Variants in SFXN5 observed in about 807,000 individuals in gnomAD.
SFXN5 encodes sideroflexin 5.
A neutral mutation model predicts 50.2 loss-of-function variants in SFXN5; 43 were observed. The ratio of observed to expected loss-of-function variants is 0.86; its 90% CI spans 0.67 to 1.11. SFXN5 has a LOEUF of 1.11. Ranked by LOEUF, SFXN5 falls within the 50% of genes least tolerant of loss-of-function variation. SFXN5 has a pLI of 0.00. For synonymous variants in SFXN5, 203 were observed against 185.8 expected (o/e 1.09, Z -0.75); for missense variants, 463 against 454.1 (o/e 1.02, Z -0.18).
intron 6 of SFXN5, among the ~76,000 whole-genome samples, chr2:73,012,687 C>G (rs1045222540): frequency 1.3e-5 from 2 of 150,340 alleles, no homozygotes; most frequent in Admixed American, 1.3e-4. Context: ...CACACACACA[C>G]ACACACACAC....
At chr2:73,044,856 C>T (rs1680115191) in intron 2 of SFXN5, among the ~76,000 whole-genome samples, 1 of 152,230 alleles carries the variant, frequency 6.6e-6, no homozygotes, top group Non-Finnish European at 1.5e-5. Flanking sequence ...CCCAGGAGGT[C>T]TGCTCCAGCA....
chr2:72,979,152 GATGGCTT>G (rs1244940698), intron 10 of SFXN5, among the ~76,000 whole-genome samples: 1 of 152,144 alleles, frequency 6.6e-6, no homozygotes, highest in Non-Finnish European at 1.5e-5. Flanking sequence ...CAATACAATT[GATGGCTT>G]ATGGTACATG....
chr2:72,975,971 A>G (rs1299501979), intron 10 of SFXN5, among the ~76,000 whole-genome samples: 1 of 152,268 alleles, frequency 6.6e-6, no homozygotes, highest in Admixed American at 6.5e-5. Flanking sequence ...GCAAATAATT[A>G]GAAACAACCT....
intron 3 of SFXN5, among the ~76,000 whole-genome samples, chr2:73,027,346 G>C (rs550554685): frequency 7.9e-5 from 12 of 152,284 alleles, no homozygotes; most frequent in African/African-American, 2.9e-4. Context: ...TTATAGACAA[G>C]AATTTTTTTG....
At chr2:73,038,580 A>G (rs950445827) in intron 3 of SFXN5, among the ~76,000 whole-genome samples, 116 of 152,218 alleles carry the variant, frequency 7.6e-4, no homozygotes, top group Non-Finnish European at 1.1e-3. Context: ...AGTGAGCTAC[A>G]TCGCCCCACT....
In SFXN5 at chr2:72,944,062, G is replaced by A. The variant is rs1034733985; in HGVS notation, c.*960C>T. 2 of 152,308 alleles carry A rather than the reference G, an allele frequency of 1.3e-5. No homozygotes were observed. Among genetic ancestry groups the A allele is most frequent in the African/African-American group, 4.8e-5 (2 of 41,462 alleles). 9.4% of individuals were successfully genotyped at this position (152,308 alleles called of 1,614,324 possible). A position where few individuals can be genotyped will look rare whatever the true frequency, so the allele number is the denominator to read the frequency against. On this transcript the variant is annotated 3_prime_UTR_variant, in exon 14 of 14. Coordinates refer to ENST00000272433, the MANE Select transcript of SFXN5 (RefSeq NM_144579.3). The stretch of plus-strand genomic sequence containing the variant: ...GACCTTCCTGCTTAGAAAGGGATGG[G>A]ATGGGGCAGGCAGCCTTGGTGGCTG...
At chr2:72,958,421 C>T (rs1673343140) in intron 13 of SFXN5, among the ~76,000 whole-genome samples, 2 of 152,196 alleles carry the variant, frequency 1.3e-5, no homozygotes, top group Admixed American at 1.3e-4. Flanking sequence ...GCCACCATTT[C>T]CCCAGCAAAG....
chr2:73,015,193 A>T (rs560299747), intron 6 of SFXN5, among the ~76,000 whole-genome samples: 2 of 152,284 alleles, frequency 1.3e-5, no homozygotes, highest in Non-Finnish European at 2.9e-5. Flanking sequence ...TTATTTTATC[A>T]AATACTTTTT....
chr2:73,029,630 A>G (rs1387346333), intron 3 of SFXN5, among the ~76,000 whole-genome samples: 1 of 152,204 alleles, frequency 6.6e-6, no homozygotes, highest in African/African-American at 2.4e-5. Context: ...TCTCCCCGGC[A>G]CTGGAGCATG....
chr2:73,032,661 A>T (rs1222410950), intron 3 of SFXN5, among the ~76,000 whole-genome samples: 1 of 151,912 alleles, frequency 6.6e-6, no homozygotes, highest in Non-Finnish European at 1.5e-5. Flanking sequence ...CCCCACCCCC[A>T]ATCTGGCTCG....
At chr2:73,007,106 C>G (rs1165788183) in intron 6 of SFXN5, among the ~76,000 whole-genome samples, 1 of 152,150 alleles carries the variant, frequency 6.6e-6, no homozygotes, top group Non-Finnish European at 1.5e-5. Context: ...AGAAGTGGAA[C>G]ATGAACAGCT....
intron 2 of SFXN5, among the ~76,000 whole-genome samples, chr2:73,056,729 T>C (rs1004255234): frequency 6.7e-6 from 1 of 150,078 alleles, no homozygotes; most frequent in African/African-American, 2.4e-5. Flanking sequence ...TGTCAAGACA[T>C]ACTTCTTAGA....
intron 2 of SFXN5, among the ~76,000 whole-genome samples, chr2:73,047,669 C>T (rs563661789): frequency 6.6e-6 from 1 of 152,246 alleles, no homozygotes; most frequent in Admixed American, 6.5e-5. Context: ...TGTGACTTTG[C>T]TCCTCATTCA....
intron 2 of SFXN5, chr2:73,042,730 T>C (rs1679814322): frequency 6.6e-6 from 1 of 151,986 alleles, no homozygotes; most frequent in African/African-American, 2.4e-5. Flanking sequence ...AGGTTGAGGC[T>C]ACAGTGAGCC....
intron 13 of SFXN5, among the ~76,000 whole-genome samples, chr2:72,959,561 G>A (rs1353674340): frequency 6.6e-6 from 1 of 151,986 alleles, no homozygotes; most frequent in Non-Finnish European, 1.5e-5. Flanking sequence ...AAGAACACAG[G>A]AGCCATTGGA....
At chr2:73,065,646 C>A (rs551243156) in intron 1 of SFXN5, among the ~76,000 whole-genome samples, 51 of 152,378 alleles carry the variant, frequency 3.3e-4, no homozygotes, top group African/African-American at 1.2e-3. Flanking sequence ...ATCTGCCCGC[C>A]TTGGCCTCCC....
intron 4 of SFXN5, 105 bp downstream of exon 4, chr2:73,023,083 C>T (rs1388014656): frequency 1.8e-6 from 2 of 1,134,392 alleles, no homozygotes; most frequent in Non-Finnish European, 2.5e-6. Flanking sequence ...AATGTGAGAG[C>T]CCGAAGAGCC....
At chr2:72,956,754 C>A (rs566999513) in intron 13 of SFXN5, among the ~76,000 whole-genome samples, 39 of 152,290 alleles carry the variant, frequency 2.6e-4, no homozygotes, top group African/African-American at 8.9e-4. Context: ...TCCATAGAGG[C>A]CATGCCTTCC....
intron 13 of SFXN5, among the ~76,000 whole-genome samples, chr2:72,947,534 T>C (rs1024109321): frequency 1.2e-4 from 18 of 152,176 alleles, no homozygotes; most frequent in Non-Finnish European, 1.9e-4. Flanking sequence ...ACCCGCCATA[T>C]GTCAAGATGT....
Sources: allele counts gnomAD v4.1 joint callset (sites outside exome capture counted in the v4.1 genomes callset), GRCh38; gene constraint gnomAD v4.1.1; transcripts MANE v1.5; gene names NCBI Gene and HGNC (gene_info 2026-07-23, HGNC 2026-07-21).